KALRN: variants seen among roughly 807,000 people sequenced by gnomAD.
KALRN encodes kalirin.
KALRN carries 70 observed loss-of-function variants against 353.7 expected under a neutral mutation model. The ratio of observed to expected loss-of-function variants is 0.20; its 90% CI spans 0.16 to 0.24. KALRN has a LOEUF of 0.24. Ranked by LOEUF, KALRN falls within the 10% of genes least tolerant of loss-of-function variation. KALRN has a pLI of 1.00. For synonymous variants in KALRN, 1,391 were observed against 1,434.8 expected (o/e 0.97, Z 0.69); for missense variants, 2,791 against 3,756.7 (o/e 0.74, Z 6.72).
intron 3 of KALRN, among the ~76,000 whole-genome samples, chr3:124,259,390 GGTTA>G (rs774198755): frequency 8.5e-5 from 13 of 152,168 alleles, no homozygotes; most frequent in Non-Finnish European, 1.6e-4. Flanking sequence ...AAGGCATAGT[GGTTA>G]GTAAAGGGAC....
intron 1 of KALRN, among the ~76,000 whole-genome samples, chr3:124,091,551 A>G (rs1316647941): frequency 1.3e-5 from 2 of 152,186 alleles, no homozygotes; most frequent in Non-Finnish European, 2.9e-5. Context: ...GAGAAAGAAC[A>G]GTGCCAAGGA....
At chr3:124,077,993 C>T (rs1413452197) in intron 1 of KALRN, among the ~76,000 whole-genome samples, 1 of 152,164 alleles carries the variant, frequency 6.6e-6, no homozygotes, top group Non-Finnish European at 1.5e-5. Context: ...TAAATGAGAT[C>T]ATGAATGTAA....
intron 1 of KALRN, among the ~76,000 whole-genome samples, chr3:124,088,068 C>T: frequency 6.6e-6 from 1 of 152,014 alleles, no homozygotes; most frequent in Admixed American, 6.6e-5. Context: ...GGAAAACCAT[C>T]CCACCCTAAG....
At chr3:124,219,281 T>C (rs780681277) in intron 1 of KALRN, among the ~76,000 whole-genome samples, 9 of 152,342 alleles carry the variant, frequency 5.9e-5, no homozygotes, top group African/African-American at 1.7e-4. Flanking sequence ...GGGAGGTACA[T>C]GCCAGTGATA....
At chr3:124,036,348 A>G (rs2039417806) in intron 1 of KALRN, among the ~76,000 whole-genome samples, 1 of 152,110 alleles carries the variant, frequency 6.6e-6, no homozygotes, top group Non-Finnish European at 1.5e-5. Flanking sequence ...TAGTTTGCTT[A>G]AGATAACAGC....
At chr3:124,181,717 A>G (rs1040107175) in intron 1 of KALRN, among the ~76,000 whole-genome samples, 1 of 152,120 alleles carries the variant, frequency 6.6e-6, no homozygotes, top group African/African-American at 2.4e-5. Context: ...AATTGGGAGG[A>G]AAGAAGGAAG....
intron 9 of KALRN, among the ~76,000 whole-genome samples, chr3:124,344,581 T>C (rs1473466052): frequency 6.6e-6 from 1 of 152,270 alleles, no homozygotes; most frequent in African/African-American, 2.4e-5. Context: ...CAGTCTGGAT[T>C]ACTAAAGTAA....
chr3:124,519,925 T>A (rs1287558506), intron 33 of KALRN: 1 of 969,304 alleles, frequency 1.0e-6, no homozygotes, highest in African/African-American at 1.8e-5. Context: ...CAAGAACCCT[T>A]CCCATCCCAC....
chr3:124,383,529 G>A (rs1024661917), intron 10 of KALRN, among the ~76,000 whole-genome samples: 8 of 151,872 alleles, frequency 5.3e-5, no homozygotes, highest in African/African-American at 9.7e-5. Flanking sequence ...CAGTTTCTTC[G>A]TTCATCTTCA....
chr3:124,281,635 T>G (rs1370608118), intron 5 of KALRN, among the ~76,000 whole-genome samples: 1 of 152,222 alleles, frequency 6.6e-6, no homozygotes, highest in African/African-American at 2.4e-5. Context: ...TTCTGCCCTG[T>G]TGGAGGTGCT....
chr3:124,082,652 G>T (rs182360762), intron 1 of KALRN, among the ~76,000 whole-genome samples: 1 of 152,280 alleles, frequency 6.6e-6, no homozygotes, highest in African/African-American at 2.4e-5. Context: ...AGGCAGCAGT[G>T]GGGTGGGATA....
At chr3:124,526,505 G>A (rs1315225683) in intron 33 of KALRN, among the ~76,000 whole-genome samples, 1 of 152,108 alleles carries the variant, frequency 6.6e-6, no homozygotes. Flanking sequence ...AGCCCAGGAG[G>A]CAGAGGTTGT....
chr3:124,330,805 C>A (rs1020039571), intron 8 of KALRN, among the ~76,000 whole-genome samples: 2 of 152,138 alleles, frequency 1.3e-5, no homozygotes, highest in African/African-American at 4.8e-5. Flanking sequence ...TTCCTCTGGG[C>A]AGGATTAGTT....
At chr3:124,158,753 G>A (rs755852451) in intron 1 of KALRN, among the ~76,000 whole-genome samples, 6 of 152,188 alleles carry the variant, frequency 3.9e-5, no homozygotes, top group Non-Finnish European at 7.3e-5. Flanking sequence ...TACGGCAATG[G>A]ATGGGGATTC....
At position 124,721,111 on chromosome 3, in the gene KALRN, G is replaced by A. The variant is rs2063347532; in HGVS notation, c.*1641G>A. 2 of 152,078 alleles carry A rather than the reference G, an allele frequency of 1.3e-5. No individual in the cohort carries two copies. The allele number at this position is 152,078 out of a possible 1,614,324, so 9.4% of individuals were successfully genotyped here. A position where few individuals can be genotyped will look rare whatever the true frequency, so the allele number is the denominator to read the frequency against. On this transcript the variant is annotated 3_prime_UTR_variant, in exon 60 of 60. Coordinates refer to ENST00000682506, the MANE Select transcript of KALRN (RefSeq NM_001388419.1). ...ATGAAAAAGAAATGGTGGAAACTAA[G>A]CCTGAACTTTAACATATAAAAAACA...
intron 2 of KALRN, among the ~76,000 whole-genome samples, chr3:124,231,141 C>G (rs1048450605): frequency 6.6e-6 from 1 of 152,158 alleles, no homozygotes; most frequent in Non-Finnish European, 1.5e-5. Context: ...GGGAATAATC[C>G]AGGGCAGCCC....
At chr3:124,207,772 C>A (rs1315473886) in intron 1 of KALRN, among the ~76,000 whole-genome samples, 1 of 152,188 alleles carries the variant, frequency 6.6e-6, no homozygotes, top group Non-Finnish European at 1.5e-5. Flanking sequence ...ATATGCAAAG[C>A]ACTTAGGAGC....
At chr3:124,706,690 C>G (rs1263048387) in intron 57 of KALRN, among the ~76,000 whole-genome samples, 1 of 152,012 alleles carries the variant, frequency 6.6e-6, no homozygotes, top group East Asian at 1.9e-4. Context: ...CTGCCTCAGC[C>G]TCCCGAGCAG....
At chr3:124,110,762 T>G (rs1024304504) in intron 1 of KALRN, among the ~76,000 whole-genome samples, 2 of 152,212 alleles carry the variant, frequency 1.3e-5, no homozygotes, top group Non-Finnish European at 2.9e-5. Context: ...AGGTTTGCAT[T>G]AACAGCTAGT....
Sources: allele counts gnomAD v4.1 joint callset (sites outside exome capture counted in the v4.1 genomes callset), GRCh38; gene constraint gnomAD v4.1.1; transcripts MANE v1.5; gene names NCBI Gene and HGNC (gene_info 2026-07-23, HGNC 2026-07-21).